RMND5A: variants seen among roughly 807,000 people sequenced by gnomAD.
RMND5A encodes the protein E3 ubiquitin-protein transferase RMND5A.
Under a neutral mutation model 49.7 loss-of-function variants are expected in RMND5A, and 17 were observed. The ratio of observed to expected loss-of-function variants is 0.34; its 90% CI spans 0.23 to 0.51. The LOEUF is 0.51. RMND5A is among the 20% of genes least tolerant of loss of function. The pLI, the probability that RMND5A is intolerant of heterozygous loss-of-function variation, is 0.96. For missense variants in RMND5A, 255 were observed against 471.3 expected (o/e 0.54, Z 4.25); for synonymous variants, 156 against 167.7 (o/e 0.93, Z 0.54).
intron 4 of RMND5A, 40 bp from the exon 5 acceptor site, chr2:86,764,987 A>G (rs1484034065): frequency 6.4e-7 from 1 of 1,564,044 alleles, no homozygotes; most frequent in Non-Finnish European, 8.6e-7. Context: ...CACCTTGCTT[A>G]TGCTTTTGAT....
chr2:86,765,125 C>G lies in RMND5A; in HGVS notation c.620C>G (p.Thr207Ser). The G allele has an allele frequency of 6.2e-7, 1 of 1,613,996 alleles. No individual in the cohort carries two copies. The highest frequency in any genetic ancestry group is 8.5e-7 in the Non-Finnish European group (1 of 1,179,968). Residue 207 changes from threonine to serine, a missense_variant, in exon 5 of 9, where the codon ACC (threonine) becomes AGC (serine). Thr to Ser is a moderately conservative substitution (Grantham distance 58). Coordinates refer to ENST00000283632, the MANE Select transcript of RMND5A (RefSeq NM_022780.4). ...TTTATTAGCTTGTTAATGGGTGGAA[C>G]CACAAATCAGCGAGAGGCATTACAA... ...LYFISLLMGG[T>S]TNQREALQYA...
In RMND5A at chr2:86,721,133, C is replaced by T. The variant is rs575030140; in HGVS notation, c.142+324C>T. 4.9e-5 allele frequency: 13 copies of T among 262,694 alleles called. No individual in the cohort carries two copies. In the South Asian group the frequency reaches 5.6e-4, roughly 11 times the overall value. The allele number at this position is 262,694 out of a possible 1,614,324, so 16.3% of individuals were successfully genotyped here. On this transcript the variant is annotated intron_variant, in intron 1 of 8. Transcript: ENST00000283632. ...TGCCGACCCCCGAGTGGGCGCCCCT[C>T]GTCCCCCGCTCCCAGCCGGCCCCGG...
chr2:86,773,509 T>C lies in RMND5A; in HGVS notation c.*98T>C. The C allele has an allele frequency of 2.6e-6, 2 of 768,946 alleles. No individual in the cohort carries two copies. Among genetic ancestry groups the C allele is most frequent in the Non-Finnish European group, 4.5e-6 (2 of 439,912 alleles). 47.6% of individuals were successfully genotyped at this position (768,946 alleles called of 1,614,324 possible). On this transcript the variant is annotated 3_prime_UTR_variant, in exon 9 of 9. Coordinates refer to ENST00000283632, the MANE Select transcript of RMND5A (RefSeq NM_022780.4). The stretch of plus-strand genomic sequence containing the variant: ...TAATGCAGCTAACCAAGGACTCCTG[T>C]GTTTCTATAAGCTAATGCTCCAGAA...
At chr2:86,753,424 C>A in intron 3 of RMND5A, 34 bp from the exon 4 acceptor site, 1 of 1,321,138 alleles carries the variant, frequency 7.6e-7, no homozygotes, top group Non-Finnish European at 1.1e-6. Flanking sequence ...CTGATTACTG[C>A]TAACAAAAGT....
At chr2:86,754,390 T>C (rs964119918) in intron 4 of RMND5A, among the ~76,000 whole-genome samples, 5 of 152,172 alleles carry the variant, frequency 3.3e-5, no homozygotes, top group African/African-American at 9.7e-5. Context: ...AAGCAGTGAT[T>C]TGTTGTGAGC....
At chr2:86,764,917 C>G (rs1436457090) in intron 4 of RMND5A, 110 bp from the exon 5 acceptor site, 1 of 1,031,138 alleles carries the variant, frequency 9.7e-7, no homozygotes, top group Non-Finnish European at 1.4e-6. Context: ...CCATAGACTT[C>G]CACAAGATGG....
At position 86,720,360 on chromosome 2, in the gene RMND5A, A is replaced by G. The variant is rs1048725542; in HGVS notation, c.-308A>G. The G allele has an allele frequency of 6.4e-6, 1 of 156,654 alleles. No individual in the cohort carries two copies. Among genetic ancestry groups the G allele is most frequent in the African/African-American group, 2.4e-5 (1 of 41,478 alleles). The allele number at this position is 156,654 out of a possible 1,614,324, so 9.7% of individuals were successfully genotyped here. On this transcript the variant is annotated 5_prime_UTR_variant, in exon 1 of 9. Coordinates refer to ENST00000283632, the MANE Select transcript of RMND5A (RefSeq NM_022780.4). ...TCATCGGTCGGTTCCCGTGAAAACA[A>G]AAACAATCGGCCGCGCCGTCGCAGG...
intron 4 of RMND5A, among the ~76,000 whole-genome samples, chr2:86,755,042 G>T (rs1269718248): frequency 2.0e-5 from 3 of 151,928 alleles, no homozygotes; most frequent in African/African-American, 7.3e-5. Flanking sequence ...ATTTCAGATT[G>T]TGACACATCT....
At chr2:86,747,276 G>A (rs1165094019) in intron 2 of RMND5A, among the ~76,000 whole-genome samples, 1 of 152,070 alleles carries the variant, frequency 6.6e-6, no homozygotes, top group Non-Finnish European at 1.5e-5. Flanking sequence ...CTTGAAGGTG[G>A]GGCATCTTCT....
intron 4 of RMND5A, among the ~76,000 whole-genome samples, chr2:86,754,499 T>C (rs1248422936): frequency 6.6e-6 from 1 of 152,216 alleles, no homozygotes; most frequent in Non-Finnish European, 1.5e-5. Flanking sequence ...GTACACTTTT[T>C]CCCTTAAAAT....
intron 4 of RMND5A, among the ~76,000 whole-genome samples, chr2:86,759,657 A>G (rs1681812008): frequency 7.3e-6 from 1 of 137,128 alleles, no homozygotes; most frequent in Non-Finnish European, 1.6e-5. Flanking sequence ...AAAATTTGCC[A>G]GGCGCGGTGG....
chr2:86,768,383 A>G (rs2104410640), intron 6 of RMND5A, among the ~76,000 whole-genome samples: 1 of 152,314 alleles, frequency 6.6e-6, no homozygotes, highest in East Asian at 1.9e-4. Context: ...AGGGTGCTCC[A>G]TCCTAGCGTA....
intron 4 of RMND5A, among the ~76,000 whole-genome samples, chr2:86,760,965 AGTGTGTGT>A (rs35942120): frequency 0.019 from 2,787 of 145,428 alleles, 39 homozygotes; most frequent in Non-Finnish European, 0.03. Context: ...GAGAGAGAGA[AGTGTGTGT>A]GTGTGTGTGT....
chr2:86,732,835 C>A (rs2104385831), intron 1 of RMND5A, among the ~76,000 whole-genome samples: 1 of 112,088 alleles, frequency 8.9e-6, no homozygotes, highest in South Asian at 2.9e-4. Flanking sequence ...AGAGAAGGAA[C>A]TTATAACTGA....
At position 86,774,734 on chromosome 2, in the gene RMND5A, G is replaced by T. The variant is rs970554489; in HGVS notation, c.*1323G>T. ...TTTGCAACTTTATTTCTTCTGACAT[G>T]GAGTGAACATCAATAGGAATACTTT... On this transcript the variant is annotated 3_prime_UTR_variant, in exon 9 of 9. Coordinates refer to ENST00000283632, the MANE Select transcript of RMND5A (RefSeq NM_022780.4). 1.3e-5 allele frequency: 2 copies of T among 152,576 alleles called. No individual in the cohort carries two copies. The highest frequency in any genetic ancestry group is 4.8e-5 in the African/African-American group (2 of 41,426). The allele number at this position is 152,576 out of a possible 1,614,324, so 9.5% of individuals were successfully genotyped here. A position where few individuals can be genotyped will look rare whatever the true frequency, so the allele number is the denominator to read the frequency against.
intron 2 of RMND5A, among the ~76,000 whole-genome samples, chr2:86,745,231 A>C (rs1042115786): frequency 6.6e-6 from 1 of 152,222 alleles, no homozygotes; most frequent in African/African-American, 2.4e-5. Context: ...AAAGATTTTA[A>C]TATCTCAAAT....
At chr2:86,754,041 C>CCT (rs1681687729) in intron 4 of RMND5A, among the ~76,000 whole-genome samples, 1 of 152,170 alleles carries the variant, frequency 6.6e-6, no homozygotes. Context: ...TGACCATGAA[C>CCT]CTCTCATTGA....
At chr2:86,769,142 C>G (rs1325269433) in intron 6 of RMND5A, among the ~76,000 whole-genome samples, 3 of 152,082 alleles carry the variant, frequency 2.0e-5, no homozygotes, top group Non-Finnish European at 4.4e-5. Flanking sequence ...ACGGGGGTCT[C>G]ACTGTGTTTC....
In RMND5A at chr2:86,770,116, T is replaced by A. The variant is rs748816289; in HGVS notation, c.948T>A (p.Asp316Glu). ...RQCTGVWNQK[D>E]ELPIEVDLGK... ...GTACTGGAGTTTGGAACCAGAAAGA[T>A]GAATTACCTGTGAGTTCCATTTTCT... The change falls in exon 7 of 9, where the codon GAT (aspartate) becomes GAA (glutamate). Residue 316 changes from aspartate to glutamate, a missense_variant. By Grantham distance (45) the Asp-to-Glu change is conservative. Coordinates refer to ENST00000283632, the MANE Select transcript of RMND5A (RefSeq NM_022780.4). 5.0e-6 allele frequency: 8 copies of A among 1,608,650 alleles called. 1 individual carries two copies. The Admixed American group carries it at 1.3e-4, about 27-fold the overall frequency.
Sources: allele counts gnomAD v4.1 joint callset (sites outside exome capture counted in the v4.1 genomes callset), GRCh38; gene constraint gnomAD v4.1.1; transcripts MANE v1.5; gene names NCBI Gene and HGNC (gene_info 2026-07-23, HGNC 2026-07-21).